Variants in HSPBAP1 observed in about 807,000 individuals in gnomAD.
The protein encoded by HSPBAP1 is HSPB1-associated protein 1.
HSPBAP1 carries 27 observed loss-of-function variants against 45.2 expected under a neutral mutation model. The observed-to-expected ratio is 0.60, with a 90% CI of 0.44 to 0.82. HSPBAP1 has a LOEUF of 0.82. Among genes scored for constraint, HSPBAP1 ranks in the 40% least tolerant of loss-of-function variants. The probability of loss-of-function intolerance (pLI) is 0.00; values close to 1 mark genes in which losing one functional copy is unlikely to be tolerated. For missense variants in HSPBAP1, 510 were observed against 590.9 expected (o/e 0.86, Z 1.42); for synonymous variants, 204 against 202.7 (o/e 1.01, Z -0.06).
chr3:122,778,202 G>A (rs548246685), intron 1 of HSPBAP1, among the ~76,000 whole-genome samples: 67 of 116,558 alleles, frequency 5.7e-4, no homozygotes, highest in African/African-American at 2.0e-3. Context: ...GTACTCAACA[G>A]GTAGTTTTTT....
At chr3:122,755,034 A>C in intron 5 of HSPBAP1, 1 of 1,199,132 alleles carries the variant, frequency 8.3e-7, no homozygotes, top group East Asian at 3.5e-5. Flanking sequence ...TACCAATAGG[A>C]GGAGCTGTGT....
chr3:122,753,088 G>C, intron 5 of HSPBAP1: 1 of 608,610 alleles, frequency 1.6e-6, no homozygotes, highest in Non-Finnish European at 2.1e-6. Context: ...AGAAGATAAA[G>C]TATAGAAAGG....
At chr3:122,781,362 G>A (rs757898915) in intron 1 of HSPBAP1, among the ~76,000 whole-genome samples, 26 of 152,300 alleles carry the variant, frequency 1.7e-4, no homozygotes, top group South Asian at 8.3e-4. Flanking sequence ...AGACCGGCCC[G>A]GCCAACACAG....
intron 3 of HSPBAP1, among the ~76,000 whole-genome samples, chr3:122,767,813 C>T (rs1462970245): frequency 6.6e-6 from 1 of 151,982 alleles, no homozygotes; most frequent in Non-Finnish European, 1.5e-5. Flanking sequence ...GAACTATCAG[C>T]CTATATGAAA....
rs1249838941 is a variant in HSPBAP1, at chr3:122,780,731, G to A, written c.65-2825C>T. 1.1e-4 allele frequency among the ~76,000 whole-genome samples: 17 copies of A among 150,718 alleles called. No homozygotes were observed. The South Asian group carries it at 3.0e-3, about 26-fold the overall frequency. ...TCACTTCCCAGACGGGGTGGCTGCC[G>A]GGCGGAGGGGCTCCTCACTTCTCAG... On this transcript the variant is annotated intron_variant, in intron 1 of 7. Transcript: ENST00000306103.
intron 5 of HSPBAP1, chr3:122,753,666 T>C (rs1008502581): frequency 1.0e-6 from 1 of 985,198 alleles, no homozygotes; most frequent in African/African-American, 1.7e-5. Flanking sequence ...ATTAGGAAAC[T>C]ACTGGTATTT....
At chr3:122,779,496 A>ATTTATTTATTTATTTG (rs1935328152) in intron 1 of HSPBAP1, among the ~76,000 whole-genome samples, 1 of 129,682 alleles carries the variant, frequency 7.7e-6, no homozygotes, top group Non-Finnish European at 1.7e-5. Flanking sequence ...GTTTTCTTTT[A>ATTTATTTATTTATTTG]TTTATTTATT....
At chr3:122,766,907 A>G (rs1437794898) in intron 3 of HSPBAP1, among the ~76,000 whole-genome samples, 1 of 152,240 alleles carries the variant, frequency 6.6e-6, no homozygotes, top group Non-Finnish European at 1.5e-5. Flanking sequence ...AATTCCCCCA[A>G]AAAGTAAGTA....
At position 122,747,181 on chromosome 3, in the gene HSPBAP1, C is replaced by T. The variant is rs569483112; in HGVS notation, c.825+5410G>A. On this transcript the variant is annotated intron_variant, in intron 6 of 7. Transcript: ENST00000306103. ...CTGGAAAGTGAGGAGCATCTCTGCC[C>T]GGCCGCCATCCCATCTAGGAAGTGA... 5.3e-5 allele frequency among the ~76,000 whole-genome samples: 8 copies of T among 151,618 alleles called. No homozygotes were observed. In the East Asian group the frequency reaches 7.8e-4, roughly 15 times the overall value.
chr3:122,791,032 C>T (rs1935812607), intron 1 of HSPBAP1, among the ~76,000 whole-genome samples: 1 of 152,110 alleles, frequency 6.6e-6, no homozygotes, highest in Non-Finnish European at 1.5e-5. Flanking sequence ...AAAATGGTCA[C>T]GATTCTTGAA....
intron 6 of HSPBAP1, among the ~76,000 whole-genome samples, chr3:122,746,923 G>C (rs577400543): frequency 6.6e-6 from 1 of 151,908 alleles, no homozygotes; most frequent in African/African-American, 2.4e-5. Context: ...CCGAGGTGCT[G>C]GGATTGCAGA....
At chr3:122,778,075 C>A (rs1935249218) in intron 1 of HSPBAP1, among the ~76,000 whole-genome samples, 169 bp from the exon 2 acceptor site, 1 of 151,956 alleles carries the variant, frequency 6.6e-6, no homozygotes, top group Non-Finnish European at 1.5e-5. Flanking sequence ...CCTCAAAAGA[C>A]CTGATTCTTT....
intron 3 of HSPBAP1, among the ~76,000 whole-genome samples, chr3:122,763,613 G>C (rs1934676035): frequency 6.6e-6 from 1 of 152,098 alleles, no homozygotes; most frequent in Non-Finnish European, 1.5e-5. Context: ...AAATAATTTT[G>C]ATCTCAAAGA....
intron 1 of HSPBAP1, among the ~76,000 whole-genome samples, chr3:122,790,954 A>C (rs1935808883): frequency 6.6e-6 from 1 of 152,192 alleles, no homozygotes; most frequent in Admixed American, 6.5e-5. Context: ...CTCTTACATA[A>C]CATCTCTAAT....
chr3:122,776,943 A>G (rs1024034609), intron 2 of HSPBAP1, among the ~76,000 whole-genome samples: 2 of 152,212 alleles, frequency 1.3e-5, no homozygotes, highest in Non-Finnish European at 2.9e-5. Context: ...CTTTACCTCA[A>G]TGCTTAAAAA....
chr3:122,775,223 A>T (rs1400333116), intron 2 of HSPBAP1, among the ~76,000 whole-genome samples: 1 of 152,150 alleles, frequency 6.6e-6, no homozygotes, highest in East Asian at 1.9e-4. Flanking sequence ...ATCTCTGGGT[A>T]GTGGGACCTT....
chr3:122,781,381 C>T (rs564119310), intron 1 of HSPBAP1, among the ~76,000 whole-genome samples: 5 of 152,222 alleles, frequency 3.3e-5, no homozygotes, highest in South Asian at 2.1e-4. Context: ...AGCGAAACCC[C>T]GTCTCCACCA....
rs553778608 is a variant in HSPBAP1, at chr3:122,773,853, G to A, written c.250+3868C>T. On this transcript the variant is annotated intron_variant, in intron 2 of 7. Transcript: ENST00000306103. ...AGGGTTTTGCTATGTTGCCCAGGCT[G>A]GTCTTGAACTCCTGGGCTCAAGCAA... Among the ~76,000 whole-genome samples the A allele has an allele frequency of 3.4e-4, 51 of 152,176 alleles. No individual in the cohort carries two copies. The East Asian group carries it at 8.3e-3, about 25-fold the overall frequency.
At chr3:122,781,991 G>A (rs1935502707) in intron 1 of HSPBAP1, among the ~76,000 whole-genome samples, 1 of 152,140 alleles carries the variant, frequency 6.6e-6, no homozygotes, top group Non-Finnish European at 1.5e-5. Flanking sequence ...AATTTTAAGT[G>A]TTTAAATTTT....
Sources: allele counts gnomAD v4.1 joint callset (sites outside exome capture counted in the v4.1 genomes callset), GRCh38; gene constraint gnomAD v4.1.1; transcripts MANE v1.5; gene names NCBI Gene and HGNC (gene_info 2026-07-23, HGNC 2026-07-21).